The following BTBD18 variants were observed in gnomAD, a reference collection of about 807,000 sequenced individuals.
The protein encoded by BTBD18 is BTB domain containing 18, also known as BTB/POZ domain-containing protein 18.
For synonymous variants in BTBD18, 311 were observed against 324.4 expected, an observed-to-expected ratio of 0.96 and a Z score of 0.44; for missense variants, 787 against 846.3, an observed-to-expected ratio of 0.93 and a Z score of 0.87.
rs1034918311 is a variant in BTBD18 at position 57,744,159 on chromosome 11, T to C, written c.2114A>G (p.Glu705Gly). The C allele has an allele frequency of 2.6e-6, 4 of 1,551,050 alleles. No homozygotes were observed. The highest frequency in any genetic ancestry group is 3.9e-5 in the Admixed American group (2 of 50,948). Residue 705 changes from glutamate to glycine, a missense_variant, in exon 3 of 3, where the codon GAA becomes GGA. Physicochemically the swap from Glu to Gly is moderately conservative, Grantham distance 98. Transcript: ENST00000422652. The part of the protein sequence containing the change: ...SVWPDPSSES[E>G]TEVDILT Reference sequence around the variant, plus strand: ...CTATGTTAGTATATCTACCTCTGTTTCTGACTCTGAGGAAGGGTCAGGCCA... The same window carrying C: ...CTATGTTAGTATATCTACCTCTGTTCCTGACTCTGAGGAAGGGTCAGGCCA...
chr11:57,752,113 G>A (rs906079410), upstream of BTBD18, among the ~76,000 whole-genome samples: 4 of 152,144 alleles, frequency 2.6e-5, no homozygotes, highest in Non-Finnish European at 4.4e-5. Flanking sequence ...TTTTAGCTCC[G>A]AAACCCCCCC....
intron 2 of BTBD18, among the ~76,000 whole-genome samples, chr11:57,750,800 T>C (rs913390536): frequency 1.3e-5 from 2 of 152,248 alleles, no homozygotes; most frequent in Non-Finnish European, 2.9e-5. Flanking sequence ...AACCATCCCA[T>C]TGGAATATTA....
At chr11:57,746,216 T>G (rs529705855) in intron 2 of BTBD18, 68 bp from the exon 3 acceptor site, 2 of 1,249,936 alleles carry the variant, frequency 1.6e-6, no homozygotes, top group Admixed American at 5.6e-5. Flanking sequence ...GCATAGACAT[T>G]ACTACCCAAA....
Position 57,746,191 on chromosome 11 carries a change from A to T in BTBD18, c.125-43T>A. ...TACTTTTGTTATCAGGTAGACTGGC[A>T]TGTTCATGGGCTAAGCATAGACATT... On this transcript the variant is annotated intron_variant, in intron 2 of 2. Coordinates refer to ENST00000422652, the MANE Select transcript of BTBD18 (RefSeq NM_001145101.3). 3.4e-6 allele frequency: 5 copies of T among 1,449,916 alleles called. No individual in the cohort carries two copies. In the South Asian group the frequency reaches 5.5e-5, roughly 16 times the overall value. The allele number at this position is 1,449,916 out of a possible 1,614,324, so 89.8% of individuals were successfully genotyped here.
At position 57,744,326 on chromosome 11, in the gene BTBD18, G is replaced by A; in HGVS notation, c.1947C>T (p.Tyr649=). Residue 649 remains tyrosine, a synonymous_variant, in exon 3 of 3, where the codon TAC becomes TAT. Transcript: ENST00000422652. ...EVSLTTDELL[Y]PSPKAGKEVS... Reference sequence around the variant, plus strand: ...CCTCCTTGCCTGCCTTGGGAGAAGGGTATAATAACTCATCTGTAGTCAAGG... The same window carrying A: ...CCTCCTTGCCTGCCTTGGGAGAAGGATATAATAACTCATCTGTAGTCAAGG... 6.4e-7 allele frequency: 1 copy of A among 1,551,640 alleles called. No individual in the cohort carries two copies. Among genetic ancestry groups the A allele is most frequent in the East Asian group, 2.4e-5 (1 of 40,916 alleles).
Position 57,744,057 on chromosome 11 carries a change from G to C in BTBD18, c.*77C>G. On this transcript the variant is annotated 3_prime_UTR_variant, in exon 3 of 3. Transcript: ENST00000422652. ...CCTCTTGTGCTGAGGGCACGTGCCA[G>C]CTTCTCTGCCAGTAAGCCTTTTGCT... 1 of 1,133,572 alleles carries C rather than the reference G, an allele frequency of 8.8e-7. No individual in the cohort carries two copies. The highest frequency in any genetic ancestry group is 1.3e-6 in the Non-Finnish European group (1 of 799,948). 70.2% of individuals were successfully genotyped at this position (1,133,572 alleles called of 1,614,324 possible). A position where few individuals can be genotyped will look rare whatever the true frequency, so the allele number is the denominator to read the frequency against.
At chr11:57,752,896 A>G (rs554446187), upstream of BTBD18, among the ~76,000 whole-genome samples, 1 of 152,206 alleles carries the variant, frequency 6.6e-6, no homozygotes, top group Admixed American at 6.5e-5. Context: ...CCCTGGCCCA[A>G]CTCCTTTGAA....
chr11:57,750,103 C>T (rs1949276192), intron 2 of BTBD18, among the ~76,000 whole-genome samples: 1 of 152,142 alleles, frequency 6.6e-6, no homozygotes, highest in South Asian at 2.1e-4. Flanking sequence ...GCAGGCCGGG[C>T]AACGTGGCTC....
intron 2 of BTBD18, among the ~76,000 whole-genome samples, chr11:57,750,269 C>T (rs1199574295): frequency 1.3e-5 from 2 of 151,934 alleles, no homozygotes; most frequent in Admixed American, 6.6e-5. Flanking sequence ...CCCAGCTACT[C>T]GGGAGGCTGA....
chr11:57,752,729 G>A (rs759958709), upstream of BTBD18, among the ~76,000 whole-genome samples: 1 of 152,176 alleles, frequency 6.6e-6, no homozygotes. Context: ...TCCTCTCAAT[G>A]TTCAGCGTTG....
chr11:57,744,335 C>G lies in BTBD18; in HGVS notation c.1938G>C (p.Glu646Asp). The change falls in exon 3 of 3, where the codon GAG becomes GAC. Residue 646 changes from glutamate to aspartate, a missense_variant. Coordinates refer to ENST00000422652, the MANE Select transcript of BTBD18 (RefSeq NM_001145101.3). ...TGLEVSLTTD[E>D]LLYPSPKAGK... ...CTGCCTTGGGAGAAGGGTATAATAA[C>G]TCATCTGTAGTCAAGGAGACTTCCA... 1 of 1,551,646 alleles carries G rather than the reference C, an allele frequency of 6.4e-7. No homozygotes were observed. The highest frequency in any genetic ancestry group is 8.7e-7 in the Non-Finnish European group (1 of 1,146,958).
At chr11:57,747,788 C>G (rs1200027321) in intron 2 of BTBD18, among the ~76,000 whole-genome samples, 3 of 151,882 alleles carry the variant, frequency 2.0e-5, no homozygotes, top group African/African-American at 7.3e-5. Flanking sequence ...CATGAGCCAC[C>G]ACGCCTGGCC....
At chr11:57,748,566 A>AG in intron 2 of BTBD18, among the ~76,000 whole-genome samples, 1 of 150,448 alleles carries the variant, frequency 6.6e-6, no homozygotes, top group Non-Finnish European at 1.5e-5. Context: ...AAAAAAAAGA[A>AG]AAAAAAAAAA....
intron 2 of BTBD18, among the ~76,000 whole-genome samples, chr11:57,746,805 CA>C (rs35274578): frequency 6.6e-4 from 63 of 95,514 alleles, no homozygotes; most frequent in Middle Eastern, 5.4e-3. Context: ...ACCTTGTCTC[CA>C]AAAAAAAAAA....
At position 57,751,216 on chromosome 11, in the gene BTBD18, A is replaced by G. The variant is rs1342386045; in HGVS notation, c.-28T>C. On this transcript the variant is annotated 5_prime_UTR_variant, in exon 2 of 3. Transcript: ENST00000422652. ...TGGCAAGAGTCTTAACAAACCTTCT[A>G]GGTTTTCACAGATCAGACTCCTGTA... 6.6e-7 allele frequency: 1 copy of G among 1,511,346 alleles called. No individual in the cohort carries two copies. Among genetic ancestry groups the G allele is most frequent in the Admixed American group, 2.3e-5 (1 of 43,112 alleles). 93.6% of individuals were successfully genotyped at this position (1,511,346 alleles called of 1,614,324 possible). A position where few individuals can be genotyped will look rare whatever the true frequency, so the allele number is the denominator to read the frequency against.
At chr11:57,753,008 T>C (rs1007197515), upstream of BTBD18, among the ~76,000 whole-genome samples, 3 of 152,224 alleles carry the variant, frequency 2.0e-5, no homozygotes, top group Non-Finnish European at 2.9e-5. Context: ...AGCATAGACT[T>C]TGCAGGCAGC....
At chr11:57,746,800 G>A (rs1949202873) in intron 2 of BTBD18, among the ~76,000 whole-genome samples, 1 of 82,394 alleles carries the variant, frequency 1.2e-5, no homozygotes, top group Non-Finnish European at 2.3e-5. Context: ...GTTATACCTT[G>A]TCTCCAAAAA....
chr11:57,752,524 C>CAA (rs1171408975), upstream of BTBD18, among the ~76,000 whole-genome samples: 15 of 116,324 alleles, frequency 1.3e-4, no homozygotes, highest in African/African-American at 3.2e-4. Context: ...GACTCCGTCT[C>CAA]AAAAAAAAAA....
rs767488134 is a variant in BTBD18, at chr11:57,745,087, G to A, written c.1186C>T (p.Pro396Ser). 1.9e-6 allele frequency: 3 copies of A among 1,551,680 alleles called. No individual in the cohort carries two copies. Among genetic ancestry groups the A allele is most frequent in the South Asian group, 2.4e-5 (2 of 84,060 alleles). ...CTGGAGAATGGCTGAGTTCCTGAAG[G>A]CTCTTGGAAGTCTCCTCCGGGATCT... ...IPDPGGDFQE[P>S]SGTQPFSSNE... Residue 396 changes from proline (P) to serine (S), a missense_variant, in exon 3 of 3, where the codon CCT becomes TCT. Physicochemically the swap from Pro to Ser is moderately conservative, Grantham distance 74. Transcript: ENST00000422652.
Sources: gnomAD v4.1 joint callset for allele counts (sites outside exome capture counted in the v4.1 genomes callset) on GRCh38, gnomAD v4.1.1 for gene constraint, MANE v1.5 for transcripts, NCBI Gene and HGNC (gene_info 2026-07-23, HGNC 2026-07-21) for gene names.